The following STAB2 variants were observed in gnomAD, a reference collection of about 807,000 sequenced individuals.
The protein encoded by STAB2 is stabilin-2.
Under a neutral mutation model 338.1 loss-of-function variants are expected in STAB2, and 288 were observed. The ratio of observed to expected loss-of-function variants is 0.85; its 90% CI spans 0.77 to 0.94. STAB2 has a LOEUF of 0.94. Ranked by LOEUF, STAB2 falls within the 40% of genes least tolerant of loss-of-function variation. The pLI is 0.00. For missense variants in STAB2, 3,141 were observed against 3,210.1 expected (o/e 0.98, Z 0.52); for synonymous variants, 1,202 against 1,193.3 (o/e 1.01, Z -0.15).
intron 3 of STAB2, among the ~76,000 whole-genome samples, chr12:103,610,369 G>A (rs1245104456): frequency 6.6e-6 from 1 of 152,150 alleles, no homozygotes; most frequent in Non-Finnish European, 1.5e-5. Context: ...TTCAGAGCCT[G>A]TTATTGGTCT....
Position 103,614,112 on chromosome 12 carries a change from T to C in STAB2, c.332-6356T>C, listed in dbSNP as rs533887397. Among the ~76,000 whole-genome samples, 3 of 152,356 alleles carry C rather than the reference T, an allele frequency of 2.0e-5. No individual in the cohort carries two copies. In the East Asian group the frequency reaches 5.8e-4, roughly 29 times the overall value. On this transcript the variant is annotated intron_variant, in intron 3 of 68. Coordinates refer to ENST00000388887, the MANE Select transcript of STAB2 (RefSeq NM_017564.10). Reference sequence around the variant, plus strand: ...ATGTGATCTCTGGGTTGGTTTCAATTAACTGGTGTTTTCCCTCAGTATTTA... The same window carrying C: ...ATGTGATCTCTGGGTTGGTTTCAATCAACTGGTGTTTTCCCTCAGTATTTA...
At chr12:103,623,164 G>T (rs1532298) in intron 5 of STAB2, among the ~76,000 whole-genome samples, 2,690 of 152,278 alleles carry the variant, frequency 0.018, 74 homozygotes, top group African/African-American at 0.058. Flanking sequence ...ATTAAGCCAG[G>T]TGCCACTGTG....
chr12:103,733,632 A>G (rs927878336), intron 51 of STAB2, among the ~76,000 whole-genome samples: 6 of 152,224 alleles, frequency 3.9e-5, no homozygotes, highest in African/African-American at 1.4e-4. Flanking sequence ...GAGAAGCACG[A>G]TCATATAGAA....
At chr12:103,629,386 C>A (rs1288710640) in intron 5 of STAB2, among the ~76,000 whole-genome samples, 1 of 152,224 alleles carries the variant, frequency 6.6e-6, no homozygotes, top group Non-Finnish European at 1.5e-5. Flanking sequence ...TGCTACTTCT[C>A]CCAGAATGGC....
chr12:103,714,082 T>C (rs911841535), intron 42 of STAB2, among the ~76,000 whole-genome samples: 1 of 152,230 alleles, frequency 6.6e-6, no homozygotes, highest in African/African-American at 2.4e-5. Context: ...AGAAAGCACA[T>C]GTACTGGAGA....
At chr12:103,689,796 G>A (rs2138902989) in intron 28 of STAB2, 50 bp from the exon 29 acceptor site, 5 of 1,593,600 alleles carry the variant, frequency 3.1e-6, no homozygotes, top group Non-Finnish European at 4.3e-6. Context: ...AGGCAGCTCT[G>A]TTTGTCCCCT....
chr12:103,665,312 T>TACATGG (rs1874981048), intron 18 of STAB2, among the ~76,000 whole-genome samples: 1 of 152,160 alleles, frequency 6.6e-6, no homozygotes, highest in Non-Finnish European at 1.5e-5. Flanking sequence ...TATGTTTGGA[T>TACATGG]TTTAGAGGTT....
chr12:103,730,303 A>AAGTGCTTCTGCTTGGAGGATC, intron 49 of STAB2, 47 bp downstream of exon 49: 2 of 1,589,830 alleles, frequency 1.3e-6, no homozygotes, highest in Non-Finnish European at 1.7e-6. Context: ...GACTCAATAC[A>AAGTGCTTCTGCTTGGAGGATC]TTATCATCTC....
At chr12:103,663,322 T>G (rs56983946) in intron 18 of STAB2, among the ~76,000 whole-genome samples, 1 of 152,184 alleles carries the variant, frequency 6.6e-6, no homozygotes, top group Non-Finnish European at 1.5e-5. Context: ...AGGTCAGAAG[T>G]CTGAAATCAA....
At position 103,724,999 on chromosome 12, in the gene STAB2, G is replaced by C; in HGVS notation, c.4708G>C (p.Ala1570Pro). ...LTKNGGCSEF[A>P]ICNHTGQVER... ...GAAAAATGGCGGCTGTAGTGAATTTGCCATCTGCAACCACACTGGGCAAGT... is the reference window on the plus strand; with the variant it reads ...GAAAAATGGCGGCTGTAGTGAATTTCCCATCTGCAACCACACTGGGCAAGT... Residue 1570 changes from alanine to proline, a missense_variant, in exon 45 of 69, where the codon GCC (alanine) becomes CCC (proline). Ala to Pro is a conservative substitution (Grantham distance 27, BLOSUM62 -1). Transcript: ENST00000388887. 1.9e-6 allele frequency: 3 copies of C among 1,613,936 alleles called. No individual in the cohort carries two copies. The highest frequency in any genetic ancestry group is 8.5e-7 in the Non-Finnish European group (1 of 1,179,824).
chr12:103,698,987 G>A (rs1878631755), intron 33 of STAB2, 109 bp from the exon 34 acceptor site: 3 of 1,360,442 alleles, frequency 2.2e-6, no homozygotes, highest in Non-Finnish European at 9.8e-7. Flanking sequence ...CTTCCACTTG[G>A]ACAAGCTGTT....
At chr12:103,590,515 C>T (rs770672438) in intron 1 of STAB2, among the ~76,000 whole-genome samples, 28 of 152,206 alleles carry the variant, frequency 1.8e-4, no homozygotes, top group African/African-American at 6.8e-4. Context: ...ACCAATTGAC[C>T]TTGAATAACC....
intron 3 of STAB2, among the ~76,000 whole-genome samples, chr12:103,611,493 A>G (rs1186529606): frequency 6.6e-6 from 1 of 152,028 alleles, no homozygotes; most frequent in Non-Finnish European, 1.5e-5. Flanking sequence ...CTGTTTTATC[A>G]GAGACTAGGA....
At chr12:103,691,954 T>C (rs1593241926) in intron 30 of STAB2, among the ~76,000 whole-genome samples, 1 of 152,206 alleles carries the variant, frequency 6.6e-6, no homozygotes, top group Non-Finnish European at 1.5e-5. Flanking sequence ...CCATTTCTTA[T>C]GCAATTCATA....
intron 56 of STAB2, 117 bp from the exon 57 acceptor site, chr12:103,745,052 ATGAC>A: frequency 1.3e-6 from 1 of 758,228 alleles, no homozygotes; most frequent in Non-Finnish European, 2.1e-6. Flanking sequence ...GAATGAATGA[ATGAC>A]TGTGACATAA....
At chr12:103,648,274 T>G (rs1291723114) in intron 9 of STAB2, among the ~76,000 whole-genome samples, 1 of 152,216 alleles carries the variant, frequency 6.6e-6, no homozygotes, top group Non-Finnish European at 1.5e-5. Context: ...GGAAGCATTC[T>G]AAGTAGATCA....
In STAB2 at chr12:103,749,841, C is replaced by CAAA. The variant is rs369556936; in HGVS notation, c.6439-709_6439-707dup. 1.6e-3 allele frequency among the ~76,000 whole-genome samples: 82 copies of CAAA among 51,162 alleles called. 7 individuals are homozygous for CAAA. Among genetic ancestry groups the CAAA allele is most frequent in the East Asian group, 1.9e-3 (3 of 1,600 alleles). 33.6% of individuals were successfully genotyped at this position (51,162 alleles called of 152,430 possible). On this transcript the variant is annotated intron_variant, in intron 59 of 68. Transcript: ENST00000388887. ...GGTGACAGAGCAAGACTCTGTCTCACAAAAAAAAAAAAAAAAAAAAAAAAA... is the reference window on the plus strand; with the variant it reads ...GGTGACAGAGCAAGACTCTGTCTCACAAAAAAAAAAAAAAAAAAAAAAAAAAAA...
intron 23 of STAB2, among the ~76,000 whole-genome samples, chr12:103,675,245 GA>G (rs1164892834): frequency 6.6e-6 from 1 of 152,184 alleles, no homozygotes; most frequent in Non-Finnish European, 1.5e-5. Flanking sequence ...ATAGATGAAT[GA>G]ATGGGCCACC....
chr12:103,753,287 CAG>C lies in STAB2; in HGVS notation c.6653_6654del (p.Glu2218GlyfsTer60). On this transcript the variant is annotated frameshift_variant, in exon 61 of 69. Coordinates refer to ENST00000388887, the MANE Select transcript of STAB2 (RefSeq NM_017564.10). LOFTEE classifies it high-confidence loss of function. ...AGTATAAGCTGACCTTTGACAAAGC[CAG>C]AGAGGCCTGTGCCAACGAAGCTGCG... ...GQYKLTFDKA[R>X]EACANEAATM... 3 of 1,614,212 alleles carry C rather than the reference CAG, an allele frequency of 1.9e-6. No homozygotes were observed. The highest frequency in any genetic ancestry group is 1.1e-5 in the South Asian group (1 of 91,088).
Sources: allele counts gnomAD v4.1 joint callset (sites outside exome capture counted in the v4.1 genomes callset), GRCh38; gene constraint gnomAD v4.1.1; transcripts MANE v1.5; gene names NCBI Gene and HGNC (gene_info 2026-07-23, HGNC 2026-07-21).